The following KCNH7 variants were observed in gnomAD, a reference collection of about 807,000 sequenced individuals.
KCNH7 encodes voltage-gated inwardly rectifying potassium channel KCNH7.
KCNH7 carries 49 observed loss-of-function variants against 120.8 expected under a neutral mutation model. The observed-to-expected ratio is 0.41, with a 90% confidence interval of 0.32 to 0.51. The LOEUF (loss-of-function observed/expected upper bound fraction) is 0.51. Ranked by LOEUF, KCNH7 falls within the 20% of genes least tolerant of loss-of-function variation. KCNH7 has a pLI of 0.38. For missense variants in KCNH7, 1,097 were observed against 1,446.6 expected, an observed-to-expected ratio of 0.76 and a Z score of 3.92; for synonymous variants, 547 against 516.1, an observed-to-expected ratio of 1.06 and a Z score of -0.81.
rs548808407 is a variant in KCNH7, at chr2:162,434,013, C to T, written c.1954+1185G>A. ...TCAGCAGTAAACCGGATAAATAAAA[C>T]GTAGTACATATACAATATGGACTAC... On this transcript the variant is annotated intron_variant, in intron 8 of 15. Coordinates refer to ENST00000332142, the MANE Select transcript of KCNH7 (RefSeq NM_033272.4). 4.0e-5 allele frequency among the ~76,000 whole-genome samples: 6 copies of T among 151,888 alleles called. No individual in the cohort carries two copies. The East Asian group carries it at 5.8e-4, about 15-fold the overall frequency.
intron 2 of KCNH7, among the ~76,000 whole-genome samples, chr2:162,723,496 T>C (rs1687405033): frequency 6.6e-6 from 1 of 152,238 alleles, no homozygotes; most frequent in Admixed American, 6.5e-5. Context: ...AATCTTGGAA[T>C]GTACCACCCA....
At chr2:162,651,808 A>G (rs1684575589) in intron 2 of KCNH7, among the ~76,000 whole-genome samples, 3 of 152,174 alleles carry the variant, frequency 2.0e-5, no homozygotes. Context: ...GAGTTAATTT[A>G]CACTCCCACC....
intron 2 of KCNH7, among the ~76,000 whole-genome samples, chr2:162,791,358 T>G (rs560477479): frequency 6.6e-6 from 1 of 152,280 alleles, no homozygotes; most frequent in East Asian, 1.9e-4. Context: ...CTATTGAATT[T>G]CTAAATTGCT....
intron 13 of KCNH7, among the ~76,000 whole-genome samples, chr2:162,380,722 A>C (rs1686387555): frequency 6.6e-6 from 1 of 152,072 alleles, no homozygotes; most frequent in South Asian, 2.1e-4. Flanking sequence ...ACTCTACTTT[A>C]AGATAAACTA....
chr2:162,650,643 C>G (rs1684532056), intron 2 of KCNH7, among the ~76,000 whole-genome samples: 1 of 152,178 alleles, frequency 6.6e-6, no homozygotes, highest in Non-Finnish European at 1.5e-5. Flanking sequence ...GTCAGGTACT[C>G]TCGCAGCACT....
intron 5 of KCNH7, among the ~76,000 whole-genome samples, chr2:162,508,654 C>T (rs1445942996): frequency 6.6e-6 from 1 of 150,998 alleles, no homozygotes; most frequent in Non-Finnish European, 1.5e-5. Context: ...CTTATTTCAC[C>T]GATTGTAAAC....
intron 2 of KCNH7, among the ~76,000 whole-genome samples, chr2:162,623,256 C>T (rs770580308): frequency 3.9e-5 from 6 of 152,136 alleles, no homozygotes; most frequent in African/African-American, 1.4e-4. Flanking sequence ...TCACTAACAG[C>T]TTTAAGCATT....
intron 2 of KCNH7, among the ~76,000 whole-genome samples, chr2:162,708,054 A>C (rs531787551): frequency 6.6e-6 from 1 of 152,020 alleles, no homozygotes; most frequent in African/African-American, 2.4e-5. Flanking sequence ...TAATTTCCAC[A>C]GTAAAATATG....
intron 2 of KCNH7, among the ~76,000 whole-genome samples, chr2:162,759,608 C>A (rs1688900886): frequency 2.0e-5 from 3 of 151,178 alleles, no homozygotes; most frequent in Admixed American, 2.0e-4. Context: ...AAATAAGTTG[C>A]AAGCTAGGTG....
At chr2:162,420,814 G>A (rs1484590706) in intron 9 of KCNH7, among the ~76,000 whole-genome samples, 1 of 152,096 alleles carries the variant, frequency 6.6e-6, no homozygotes, top group African/African-American at 2.4e-5. Flanking sequence ...CGAAATACAA[G>A]TTTAATATGC....
intron 2 of KCNH7, among the ~76,000 whole-genome samples, chr2:162,546,352 C>A (rs1349818113): frequency 1.3e-5 from 2 of 151,750 alleles, no homozygotes; most frequent in Non-Finnish European, 2.9e-5. Context: ...TCATTTGGTC[C>A]AATTTTATTT....
At chr2:162,606,109 G>A (rs1682753618) in intron 2 of KCNH7, among the ~76,000 whole-genome samples, 1 of 152,030 alleles carries the variant, frequency 6.6e-6, no homozygotes, top group South Asian at 2.1e-4. Flanking sequence ...TTTATAAGCA[G>A]TGGCTGATTA....
intron 2 of KCNH7, among the ~76,000 whole-genome samples, chr2:162,789,120 T>C (rs305672): frequency 0.97 from 147,599 of 152,140 alleles, 71,757 homozygotes; most frequent in Non-Finnish European, 1. Context: ...AGTTGCCTTA[T>C]AAAAATGCTA....
intron 2 of KCNH7, among the ~76,000 whole-genome samples, chr2:162,664,884 C>T (rs533964967): frequency 3.5e-4 from 54 of 152,206 alleles, no homozygotes; most frequent in African/African-American, 1.3e-3. Flanking sequence ...GGCTTCCCAG[C>T]CCTTCACAAA....
intron 2 of KCNH7, among the ~76,000 whole-genome samples, chr2:162,552,706 G>T (rs1692712498): frequency 6.6e-6 from 1 of 152,192 alleles, no homozygotes; most frequent in Non-Finnish European, 1.5e-5. Flanking sequence ...AGGTGTTCCT[G>T]CTGGCCTGGA....
chr2:162,678,683 C>T (rs1224043343), intron 2 of KCNH7, among the ~76,000 whole-genome samples: 1 of 151,400 alleles, frequency 6.6e-6, no homozygotes, highest in African/African-American at 2.4e-5. Flanking sequence ...TTCTTTAACC[C>T]TTATGATTAA....
At chr2:162,492,271 G>T (rs1690335674) in intron 6 of KCNH7, among the ~76,000 whole-genome samples, 1 of 152,216 alleles carries the variant, frequency 6.6e-6, no homozygotes, top group Admixed American at 6.5e-5. Flanking sequence ...GGTACTTCAG[G>T]CTAGAACGTG....
At position 162,540,038 on chromosome 2, in the gene KCNH7, T is replaced by C. The variant is rs75699827; in HGVS notation, c.308-2958A>G. On this transcript the variant is annotated intron_variant, in intron 2 of 15. Coordinates refer to ENST00000332142, the MANE Select transcript of KCNH7 (RefSeq NM_033272.4). Reference sequence around the variant, plus strand: ...CTAAGTATTTCTCTTGAATGCAACATTGGGAGCAAGAGCAATGGAAACCTA... The same window carrying C: ...CTAAGTATTTCTCTTGAATGCAACACTGGGAGCAAGAGCAATGGAAACCTA... Among the ~76,000 whole-genome samples, 560 of 151,996 alleles carry C rather than the reference T, an allele frequency of 3.7e-3. 24 individuals are homozygous for C. The East Asian group carries it at 0.096, about 26-fold the overall frequency.
intron 2 of KCNH7, among the ~76,000 whole-genome samples, chr2:162,777,476 A>T (rs752234755): frequency 1.3e-5 from 2 of 152,136 alleles, no homozygotes; most frequent in Non-Finnish European, 2.9e-5. Context: ...TGCAGAACCC[A>T]CTGATACAGA....
Sources: gnomAD v4.1 joint callset for allele counts (sites outside exome capture counted in the v4.1 genomes callset) on GRCh38, gnomAD v4.1.1 for gene constraint, MANE v1.5 for transcripts, NCBI Gene and HGNC (gene_info 2026-07-23, HGNC 2026-07-21) for gene names.